The following SMARCC1 variants were observed in gnomAD, a reference collection of about 807,000 sequenced individuals.
SMARCC1 encodes SWI/SNF complex subunit SMARCC1.
A neutral mutation model predicts 147.4 loss-of-function variants in SMARCC1; 43 were observed. The observed-to-expected ratio is 0.29, with a 90% CI of 0.23 to 0.38. The LOEUF (loss-of-function observed/expected upper bound fraction) is 0.38, where lower values mean the gene tolerates loss of function less well. SMARCC1 is among the 10% of genes least tolerant of loss of function. The pLI, the probability that SMARCC1 is intolerant of heterozygous loss-of-function variation, is 1.00. For missense variants in SMARCC1, 1,119 were observed against 1,381.1 expected, an observed-to-expected ratio of 0.81 and a Z score of 3.01; for synonymous variants, 495 against 484.4, an observed-to-expected ratio of 1.02 and a Z score of -0.29.
At position 47,588,184 on chromosome 3, in the gene SMARCC1, G is replaced by A. The variant is rs189496850; in HGVS notation, c.*25C>T. ...CCCACTCCAGCTCATGGTGGTGGGC[G>A]TGGAGGTTCCCTGCATCTTCCAGGC... On this transcript the variant is annotated 3_prime_UTR_variant, in exon 28 of 28. Coordinates refer to ENST00000254480, the MANE Select transcript of SMARCC1 (RefSeq NM_003074.4). The A allele has an allele frequency of 9.6e-4, 1,509 of 1,567,260 alleles. 1 individual carries two copies. The highest frequency in any genetic ancestry group is 1.1e-3 in the Non-Finnish European group (1,309 of 1,139,156).
At chr3:47,724,254 A>C (rs899975102) in intron 6 of SMARCC1, among the ~76,000 whole-genome samples, 12 of 152,222 alleles carry the variant, frequency 7.9e-5, no homozygotes, top group Admixed American at 6.5e-4. Flanking sequence ...TGCAAAAGCA[A>C]CCTAAATATC....
chr3:47,622,670 G>A (rs765719840), intron 24 of SMARCC1, among the ~76,000 whole-genome samples: 4 of 152,108 alleles, frequency 2.6e-5, no homozygotes, highest in Non-Finnish European at 5.9e-5. Flanking sequence ...CCTGGCACTC[G>A]GTCTGTCCCC....
At chr3:47,590,961 CAATAA>C in intron 26 of SMARCC1, 124 bp from the exon 27 acceptor site, 2 of 839,146 alleles carry the variant, frequency 2.4e-6, no homozygotes, top group Non-Finnish European at 3.7e-6. Flanking sequence ...ATCAACAGAG[CAATAA>C]TCTGTAATAA....
intron 1 of SMARCC1, among the ~76,000 whole-genome samples, chr3:47,776,648 C>T (rs949218904): frequency 2.6e-5 from 4 of 152,028 alleles, no homozygotes; most frequent in African/African-American, 7.2e-5. Context: ...TAAACAATGC[C>T]AAACTCTATA....
intron 10 of SMARCC1, 35 bp downstream of exon 10, chr3:47,706,374 T>C: frequency 6.8e-7 from 1 of 1,479,166 alleles, no homozygotes; most frequent in South Asian, 1.4e-5. Flanking sequence ...GTCCGGCCTG[T>C]TTTAATGCCC....
intron 5 of SMARCC1, among the ~76,000 whole-genome samples, chr3:47,734,457 A>G (rs1370103480): frequency 6.6e-6 from 1 of 152,222 alleles, no homozygotes; most frequent in Non-Finnish European, 1.5e-5. Flanking sequence ...ACTAAATGCT[A>G]AAACATAATA....
At chr3:47,680,713 A>C (rs1199388872) in intron 14 of SMARCC1, among the ~76,000 whole-genome samples, 1 of 151,250 alleles carries the variant, frequency 6.6e-6, no homozygotes, top group Non-Finnish European at 1.5e-5. Flanking sequence ...ACGCCCGGCT[A>C]ATTTTTTGTA....
At chr3:47,725,397 T>C (rs1470714259) in intron 6 of SMARCC1, among the ~76,000 whole-genome samples, 1 of 152,142 alleles carries the variant, frequency 6.6e-6, no homozygotes, top group African/African-American at 2.4e-5. Flanking sequence ...CAGTGATGGC[T>C]GCACAACTGT....
intron 14 of SMARCC1, among the ~76,000 whole-genome samples, chr3:47,682,210 G>C (rs2106763792): frequency 6.6e-6 from 1 of 151,286 alleles, no homozygotes; most frequent in South Asian, 2.1e-4. Context: ...CGGGAGAATG[G>C]CGTGAACCCG....
At chr3:47,644,216 A>C (rs957261440) in intron 21 of SMARCC1, among the ~76,000 whole-genome samples, 5 of 152,148 alleles carry the variant, frequency 3.3e-5, no homozygotes, top group African/African-American at 9.7e-5. Flanking sequence ...GCAGTGGCTC[A>C]TGCCTGTAAT....
At chr3:47,745,235 C>T (rs1246305226) in intron 3 of SMARCC1, among the ~76,000 whole-genome samples, 2 of 151,630 alleles carry the variant, frequency 1.3e-5, no homozygotes, top group South Asian at 2.1e-4. Context: ...CCAGCCTGGG[C>T]GAAAAAGCGC....
intron 5 of SMARCC1, among the ~76,000 whole-genome samples, chr3:47,733,335 T>C (rs1205955335): frequency 6.6e-6 from 1 of 152,064 alleles, no homozygotes; most frequent in Non-Finnish European, 1.5e-5. Flanking sequence ...CCCAGCACTT[T>C]GGGAGGCCGA....
At chr3:47,686,227 T>A in intron 13 of SMARCC1, 57 bp from the exon 14 acceptor site, 1 of 1,333,752 alleles carries the variant, frequency 7.5e-7, no homozygotes, top group Non-Finnish European at 1.1e-6. Flanking sequence ...GAGATATATA[T>A]AACATCTCTT....
intron 14 of SMARCC1, among the ~76,000 whole-genome samples, chr3:47,681,013 T>TA (rs1407712764): frequency 6.6e-6 from 1 of 152,222 alleles, no homozygotes; most frequent in Non-Finnish European, 1.5e-5. Context: ...TCCCAGTACT[T>TA]ACTGTAGTTT....
intron 6 of SMARCC1, among the ~76,000 whole-genome samples, chr3:47,725,977 G>A (rs926131222): frequency 4.7e-5 from 7 of 149,274 alleles, no homozygotes; most frequent in Admixed American, 1.4e-4. Flanking sequence ...CAGGAGAATC[G>A]CTTGAACCTG....
intron 1 of SMARCC1, among the ~76,000 whole-genome samples, chr3:47,776,298 G>A (rs1308126589): frequency 6.6e-6 from 1 of 152,050 alleles, no homozygotes; most frequent in Non-Finnish European, 1.5e-5. Flanking sequence ...ACACGGTAAA[G>A]CAACATAAAA....
chr3:47,777,470 A>T (rs1266237062), intron 1 of SMARCC1, among the ~76,000 whole-genome samples: 1 of 151,890 alleles, frequency 6.6e-6, no homozygotes, highest in Non-Finnish European at 1.5e-5. Context: ...AGGTTAGAGG[A>T]CTACTTTGAG....
intron 20 of SMARCC1, among the ~76,000 whole-genome samples, chr3:47,661,970 T>G (rs1284439007): frequency 6.6e-6 from 1 of 150,910 alleles, no homozygotes; most frequent in Non-Finnish European, 1.5e-5. Flanking sequence ...AATTTTAAGG[T>G]GCATTACTTA....
At chr3:47,729,430 T>C (rs1476843381) in intron 5 of SMARCC1, among the ~76,000 whole-genome samples, 9 of 152,186 alleles carry the variant, frequency 5.9e-5, no homozygotes, top group Admixed American at 3.3e-4. Context: ...TCACCCAGGC[T>C]ATAGTGTGGC....
Sources: gnomAD v4.1 joint callset for allele counts (sites outside exome capture counted in the v4.1 genomes callset) on GRCh38, gnomAD v4.1.1 for gene constraint, MANE v1.5 for transcripts, NCBI Gene and HGNC (gene_info 2026-07-23, HGNC 2026-07-21) for gene names.